Variants in SCG3 observed in about 807,000 individuals in gnomAD.
SCG3 encodes secretogranin-3.
SCG3 carries 38 observed loss-of-function variants against 56.2 expected under a neutral mutation model. That is an observed-to-expected ratio of 0.68 (90% CI 0.52 to 0.89). The LOEUF (loss-of-function observed/expected upper bound fraction) is 0.89, where lower values mean the gene tolerates loss of function less well. SCG3 is among the 40% of genes least tolerant of loss of function. SCG3 has a pLI of 0.00. For synonymous variants in SCG3, 176 were observed against 184.2 expected (o/e 0.96, Z 0.36); for missense variants, 524 against 540.7 (o/e 0.97, Z 0.31).
At chr15:51,702,297 C>G (rs2055344729) in intron 10 of SCG3, among the ~76,000 whole-genome samples, 1 of 152,008 alleles carries the variant, frequency 6.6e-6, no homozygotes, top group Non-Finnish European at 1.5e-5. Context: ...CCCTCTGTTG[C>G]CCAGGCTAGA....
chr15:51,697,652 G>A (rs2055312447), intron 8 of SCG3, among the ~76,000 whole-genome samples: 1 of 152,160 alleles, frequency 6.6e-6, no homozygotes, highest in Non-Finnish European at 1.5e-5. Context: ...TCCACAAGAG[G>A]AGACTAAAGT....
chr15:51,692,068 CA>C, intron 6 of SCG3, 90 bp from the exon 7 acceptor site: 1 of 1,249,920 alleles, frequency 8.0e-7, no homozygotes, highest in Non-Finnish European at 1.1e-6. Context: ...TTGCACTTCA[CA>C]TTTAAGGGCA....
At chr15:51,690,580 T>C (rs2055260447) in intron 6 of SCG3, among the ~76,000 whole-genome samples, 3 of 150,694 alleles carry the variant, frequency 2.0e-5, no homozygotes, top group Non-Finnish European at 3.0e-5. Flanking sequence ...TTACTTCCAA[T>C]CCTCACCAGC....
intron 4 of SCG3, among the ~76,000 whole-genome samples, chr15:51,686,784 A>G (rs962164282): frequency 1.3e-5 from 2 of 149,832 alleles, no homozygotes; most frequent in African/African-American, 5.0e-5. Flanking sequence ...CTCATGGCTC[A>G]TGGGCTGGCC....
intron 7 of SCG3, 147 bp downstream of exon 7, chr15:51,692,483 T>A: frequency 1.6e-6 from 1 of 639,982 alleles, no homozygotes; most frequent in African/African-American, 1.8e-5. Flanking sequence ...TTCACATCGA[T>A]TTTTTTTTCC....
intron 8 of SCG3, among the ~76,000 whole-genome samples, chr15:51,697,849 A>C (rs1336889417): frequency 2.0e-5 from 3 of 152,180 alleles, no homozygotes; most frequent in Admixed American, 6.5e-5. Context: ...TAACTTTTAC[A>C]ACTAGAGTTT....
intron 11 of SCG3, among the ~76,000 whole-genome samples, chr15:51,717,268 T>C (rs915513910): frequency 1.3e-5 from 2 of 151,718 alleles, no homozygotes; most frequent in South Asian, 4.1e-4. Flanking sequence ...CTCAGGAGGC[T>C]GAGGCAGAAG....
At chr15:51,692,864 C>CT (rs201399820) in intron 7 of SCG3, among the ~76,000 whole-genome samples, 2 of 148,750 alleles carry the variant, frequency 1.3e-5, no homozygotes, top group African/African-American at 2.4e-5. Flanking sequence ...ACATTTTTTT[C>CT]TTTTTTTTCT....
chr15:51,692,145 T>A lies in SCG3; in HGVS notation c.691-14T>A. The A allele has an allele frequency of 6.3e-7, 1 of 1,577,684 alleles. No homozygotes were observed. Among genetic ancestry groups the A allele is most frequent in the Non-Finnish European group, 8.6e-7 (1 of 1,164,438 alleles). ...ACAAAATGTTCATTTTTTATTGATT[T>A]TTCCCCACTGGAGACTCCAATGGCA... On this transcript the variant is annotated splice_polypyrimidine_tract_variant and intron_variant, in intron 6 of 11. Coordinates refer to ENST00000220478, the MANE Select transcript of SCG3 (RefSeq NM_013243.4).
chr15:51,705,216 G>A (rs905813852), intron 10 of SCG3, among the ~76,000 whole-genome samples: 4 of 152,170 alleles, frequency 2.6e-5, no homozygotes, highest in Non-Finnish European at 4.4e-5. Context: ...AACCCAGTGA[G>A]CCATAGGCTA....
chr15:51,700,459 T>C (rs775504127), intron 9 of SCG3, among the ~76,000 whole-genome samples: 8 of 152,240 alleles, frequency 5.3e-5, no homozygotes, highest in African/African-American at 1.4e-4. Flanking sequence ...AAAGGATTAC[T>C]ACATGGAAAT....
chr15:51,709,725 T>TTTTTTTA (rs2055406772), intron 10 of SCG3, among the ~76,000 whole-genome samples: 3 of 57,008 alleles, frequency 5.3e-5, no homozygotes, highest in Non-Finnish European at 1.0e-4. Flanking sequence ...TTTTTTTTTT[T>TTTTTTTA]TTTTTTTTTT....
intron 7 of SCG3, chr15:51,693,886 TCTC>T (rs2055284834): frequency 6.6e-6 from 1 of 152,238 alleles, no homozygotes; most frequent in Non-Finnish European, 1.5e-5. Context: ...GTGAGTCACT[TCTC>T]ATCAGTGAAG....
At position 51,692,245 on chromosome 15, in the gene SCG3, G is replaced by A; in HGVS notation, c.777G>A (p.Leu259=). 5.6e-6 allele frequency: 9 copies of A among 1,614,002 alleles called. No homozygotes were observed. Among genetic ancestry groups the A allele is most frequent in the Non-Finnish European group, 7.6e-6 (9 of 1,179,934 alleles). The change falls in exon 7 of 12, where the codon TTG becomes TTA. Residue 259 remains leucine (L), a synonymous_variant. Coordinates refer to ENST00000220478, the MANE Select transcript of SCG3 (RefSeq NM_013243.4). The part of the protein sequence containing the change: ...VSNTLTLTNG[L]ERRTKTYSED... ...ACACATTAACCTTGACAAATGGCTT[G>A]GAAAGGAGAACTAAAACCTACAGTG...
At chr15:51,706,237 A>G (rs2055374937) in intron 10 of SCG3, among the ~76,000 whole-genome samples, 1 of 152,252 alleles carries the variant, frequency 6.6e-6, no homozygotes, top group Non-Finnish European at 1.5e-5. Flanking sequence ...TTATTCAGCA[A>G]GAAATAAACA....
rs1567224981 is a variant in SCG3, at chr15:51,719,570, A to AT, written c.*45dup. 10 of 1,343,130 alleles carry AT rather than the reference A, an allele frequency of 7.4e-6. No homozygotes were observed. The highest frequency in any genetic ancestry group is 9.6e-6 in the Non-Finnish European group (9 of 940,840). The allele number at this position is 1,343,130 out of a possible 1,614,324, so 83.2% of individuals were successfully genotyped here. A position where few individuals can be genotyped will look rare whatever the true frequency, so the allele number is the denominator to read the frequency against. ...GAGTCTTTCAACTGTTTCAGAAAACATAATATAGCTTAAAACACTTCTAAT... is the reference window on the plus strand; with the variant it reads ...GAGTCTTTCAACTGTTTCAGAAAACATTAATATAGCTTAAAACACTTCTAAT... On this transcript the variant is annotated 3_prime_UTR_variant, in exon 12 of 12. Coordinates refer to ENST00000220478, the MANE Select transcript of SCG3 (RefSeq NM_013243.4).
At chr15:51,709,865 T>G (rs1368285252) in intron 10 of SCG3, among the ~76,000 whole-genome samples, 1 of 143,808 alleles carries the variant, frequency 7.0e-6, no homozygotes, top group Non-Finnish European at 1.5e-5. Context: ...GGACTACAGG[T>G]GCCCACCAAC....
chr15:51,719,330 T>C (rs2055480312), intron 11 of SCG3, 78 bp from the exon 12 acceptor site: 1 of 926,788 alleles, frequency 1.1e-6, no homozygotes, highest in Non-Finnish European at 1.7e-6. Context: ...ATAAAATGCT[T>C]CTCAGTTAAT....
chr15:51,699,255 T>A, intron 8 of SCG3, 64 bp from the exon 9 acceptor site: 1 of 1,166,550 alleles, frequency 8.6e-7, no homozygotes, highest in South Asian at 1.3e-5. Context: ...TTAAACATTT[T>A]TCGTAAAAAT....
Sources: gnomAD v4.1 joint callset for allele counts (sites outside exome capture counted in the v4.1 genomes callset) on GRCh38, gnomAD v4.1.1 for gene constraint, MANE v1.5 for transcripts, NCBI Gene and HGNC (gene_info 2026-07-23, HGNC 2026-07-21) for gene names.